The following ALDH3A2 variants were observed in gnomAD, a reference collection of about 807,000 sequenced individuals.
ALDH3A2 encodes aldehyde dehydrogenase 3 family member A2, also known as aldehyde dehydrogenase family 3 member A2.
A neutral mutation model predicts 51.3 loss-of-function variants in ALDH3A2; 36 were observed. The observed-to-expected ratio is 0.70, with a 90% confidence interval of 0.54 to 0.93. The LOEUF (loss-of-function observed/expected upper bound fraction) is 0.93. Ranked by LOEUF, ALDH3A2 falls within the 40% of genes least tolerant of loss-of-function variation. The pLI is 0.00. For missense variants in ALDH3A2, 552 were observed against 603.1 expected (o/e 0.92, Z 0.89); for synonymous variants, 199 against 219.8 (o/e 0.91, Z 0.84).
At position 19,665,056 on chromosome 17, in the gene ALDH3A2, T is replaced by G. The variant is rs144781535; in HGVS notation, c.1207+9T>G. On this transcript the variant is annotated intron_variant, in intron 8 of 9. Coordinates refer to ENST00000176643, the MANE Select transcript of ALDH3A2 (RefSeq NM_000382.3). Reference sequence around the variant, plus strand: ...CCCATTTGGAGGAGTGGGTGAGTCTTATTTTCTCCTGCTTGTAGTAGATAT... The same window carrying G: ...CCCATTTGGAGGAGTGGGTGAGTCTGATTTTCTCCTGCTTGTAGTAGATAT... The G allele has an allele frequency of 1.1e-5, 17 of 1,604,946 alleles. No homozygotes were observed. Among genetic ancestry groups the G allele is most frequent in the Non-Finnish European group, 1.5e-5 (17 of 1,171,722 alleles).
chr17:19,673,985 G>A (rs1039877068), intron 9 of ALDH3A2: 1 of 152,300 alleles, frequency 6.6e-6, no homozygotes, highest in African/African-American at 2.4e-5. Flanking sequence ...GGTGCCAGCT[G>A]ACTAATTCAG....
At chr17:19,669,626 CCTTTT>C (rs1266176250) in intron 8 of ALDH3A2, among the ~76,000 whole-genome samples, 3 of 151,942 alleles carry the variant, frequency 2.0e-5, no homozygotes, top group African/African-American at 2.4e-5. Context: ...TGAATCCACG[CCTTTT>C]CTTTTCTTTT....
intron 4 of ALDH3A2, 67 bp downstream of exon 4, chr17:19,656,641 C>T: frequency 7.0e-7 from 1 of 1,422,510 alleles, no homozygotes; most frequent in African/African-American, 1.4e-5. Context: ...GACAATGTTA[C>T]TCTTTGTACT....
At position 19,648,822 on chromosome 17, in the gene ALDH3A2, C is replaced by G. The variant is rs1227927535; in HGVS notation, c.-150C>G. 5 of 1,110,096 alleles carry G rather than the reference C, an allele frequency of 4.5e-6. No homozygotes were observed. Among genetic ancestry groups the G allele is most frequent in the Non-Finnish European group, 6.4e-6 (5 of 779,062 alleles). 68.8% of individuals were successfully genotyped at this position (1,110,096 alleles called of 1,614,324 possible). Reference sequence around the variant, plus strand: ...GGAGGTCGCGGCTGAGCGAGCGAGCCCTGGGCGAGTGAATTGTGGCTGTGG... The same window carrying G: ...GGAGGTCGCGGCTGAGCGAGCGAGCGCTGGGCGAGTGAATTGTGGCTGTGG... On this transcript the variant is annotated 5_prime_UTR_variant, in exon 1 of 10. Transcript: ENST00000176643.
At chr17:19,659,255 G>A (rs891216327) in intron 5 of ALDH3A2, among the ~76,000 whole-genome samples, 3 of 151,892 alleles carry the variant, frequency 2.0e-5, no homozygotes, top group Admixed American at 1.3e-4. Flanking sequence ...TATGAAAATT[G>A]TCGCCGTTGT....
chr17:19,651,916 T>C, intron 2 of ALDH3A2, 138 bp downstream of exon 2: 1 of 795,386 alleles, frequency 1.3e-6, no homozygotes, highest in Non-Finnish European at 2.1e-6. Context: ...GTACTGAGAA[T>C]TCATACATAC....
intron 6 of ALDH3A2, 107 bp from the exon 7 acceptor site, chr17:19,663,226 G>A: frequency 1.5e-6 from 2 of 1,296,974 alleles, no homozygotes; most frequent in Non-Finnish European, 2.2e-6. Flanking sequence ...TATGACTTGG[G>A]TGGGAGAGGG....
In ALDH3A2 at chr17:19,654,284, C is replaced by T. The variant is rs1303603072; in HGVS notation, c.471+1652C>T. ...TCCCACGCCGGGGCTGTGGGTGGAG[C>T]TGCCCATCAGTCCAGCGCTGCGCGC... is the stretch of plus-strand genomic sequence containing the variant. On this transcript the variant is annotated intron_variant, in intron 3 of 9. Coordinates refer to ENST00000176643, the MANE Select transcript of ALDH3A2 (RefSeq NM_000382.3). The surrounding 1 kb of genome is among the most constrained non-coding windows in gnomAD (Gnocchi z 4.5). Among the ~76,000 whole-genome samples the T allele has an allele frequency of 6.6e-6, 1 of 152,276 alleles. No homozygotes were observed. The highest frequency in any genetic ancestry group is 1.5e-5 in the Non-Finnish European group (1 of 68,054).
intron 5 of ALDH3A2, chr17:19,659,824 ACAGAGTGAGACCCTGT>A (rs2084944082): frequency 6.6e-6 from 1 of 151,998 alleles, no homozygotes; most frequent in South Asian, 2.1e-4. Flanking sequence ...AGCCTGGGTG[ACAGAGTGAGACCCTGT>A]CTCAAAAAAA....
chr17:19,657,945 G>C (rs2084919269), intron 5 of ALDH3A2, 83 bp downstream of exon 5: 3 of 1,129,146 alleles, frequency 2.7e-6, no homozygotes, highest in Non-Finnish European at 3.9e-6. Context: ...ATCCCCATTT[G>C]TTTCTCCCTT....
In ALDH3A2 at chr17:19,654,654, CT is replaced by C. The variant is rs2084869918; in HGVS notation, c.472-1710del. 6.6e-6 allele frequency among the ~76,000 whole-genome samples: 1 copy of C among 152,104 alleles called. No homozygotes were observed. Among genetic ancestry groups the C allele is most frequent in the Non-Finnish European group, 1.5e-5 (1 of 68,002 alleles). On this transcript the variant is annotated intron_variant, in intron 3 of 9. Coordinates refer to ENST00000176643, the MANE Select transcript of ALDH3A2 (RefSeq NM_000382.3). This position sits in a 1 kb window ranked among gnomAD's most constrained non-coding sequence, Gnocchi z 4.5. ...TGCGCCCACCCAGAACTCGCTCTGG[CT>C]TGTGAGCGCCACGCGCAGCCCCGGT...
chr17:19,671,388 T>C (rs2085110576), intron 8 of ALDH3A2, among the ~76,000 whole-genome samples: 1 of 152,234 alleles, frequency 6.6e-6, no homozygotes, highest in African/African-American at 2.4e-5. Context: ...GAAATGAGGC[T>C]GCTGATAATT....
chr17:19,672,664 G>A (rs1413208413), intron 9 of ALDH3A2, among the ~76,000 whole-genome samples: 2 of 152,174 alleles, frequency 1.3e-5, no homozygotes, highest in African/African-American at 4.8e-5. Flanking sequence ...TTCAACTGAG[G>A]ATATAACATT....
At chr17:19,664,599 A>G (rs971609860) in intron 7 of ALDH3A2, among the ~76,000 whole-genome samples, 2 of 152,246 alleles carry the variant, frequency 1.3e-5, no homozygotes, top group Non-Finnish European at 2.9e-5. Context: ...CAGTTTTTAA[A>G]GCTGGAATAT....
chr17:19,648,809 TGAGC>T lies in ALDH3A2; in HGVS notation c.-154_-151del. 1 of 994,004 alleles carries T rather than the reference TGAGC, an allele frequency of 1.0e-6. No individual in the cohort carries two copies. Among genetic ancestry groups the T allele is most frequent in the Non-Finnish European group, 1.5e-6 (1 of 681,366 alleles). The allele number at this position is 994,004 out of a possible 1,614,324, so 61.6% of individuals were successfully genotyped here. ...ACTCAGCGGGCGTGGAGGTCGCGGC[TGAGC>T]GAGCGAGCCCTGGGCGAGTGAATTG... On this transcript the variant is annotated 5_prime_UTR_variant, in exon 1 of 10. Transcript: ENST00000176643.
chr17:19,675,926 C>T lies in ALDH3A2; in HGVS notation c.*354C>T. The T allele has an allele frequency of 2.9e-6, 1 of 341,918 alleles. No individual in the cohort carries two copies. The highest frequency in any genetic ancestry group is 5.5e-6 in the Non-Finnish European group (1 of 180,292). The allele number at this position is 341,918 out of a possible 1,614,324, so 21.2% of individuals were successfully genotyped here. A position where few individuals can be genotyped will look rare whatever the true frequency, so the allele number is the denominator to read the frequency against. On this transcript the variant is annotated 3_prime_UTR_variant, in exon 10 of 10. Transcript: ENST00000176643. ...CTCCAGTTAATGGCACTGCTCACTT[C>T]CTGCCTCTGCTGCCACCATCACTGT...
At position 19,671,778 on chromosome 17, in the gene ALDH3A2, A is replaced by G; in HGVS notation, c.1265A>G (p.Gln422Arg). 1 of 1,614,190 alleles carries G rather than the reference A, an allele frequency of 6.2e-7. No individual in the cohort carries two copies. Among genetic ancestry groups the G allele is most frequent in the Non-Finnish European group, 8.5e-7 (1 of 1,180,028 alleles). Residue 422 changes from glutamine (Q) to arginine (R), a missense_variant, in exon 9 of 10, where the codon CAG becomes CGG. Coordinates refer to ENST00000176643, the MANE Select transcript of ALDH3A2 (RefSeq NM_000382.3). ...CATAGTTTTGATACTTTTTCTCATCAGCGTCCCTGTTTATTAAAAAGTTTA... is the reference window on the plus strand; with the variant it reads ...CATAGTTTTGATACTTTTTCTCATCGGCGTCCCTGTTTATTAAAAAGTTTA... ...GKHSFDTFSH[Q>R]RPCLLKSLKR... is the part of the protein sequence containing the mutation.
At position 19,649,041 on chromosome 17, in the gene ALDH3A2, C is replaced by A; in HGVS notation, c.70C>A (p.Leu24Met). Residue 24 changes from leucine to methionine, a missense_variant, in exon 1 of 10, where the codon CTG becomes ATG. Leu to Met is a conservative substitution (Grantham distance 15, BLOSUM62 2). Transcript: ENST00000176643. ...CCGGTCGCGACCTCTGCGGTTTCGG[C>A]TGCAGCAGCTGGAGGCCCTGCGGAG... ...SGRSRPLRFR[L>M]QQLEALRRMV... 6.3e-7 allele frequency: 1 copy of A among 1,583,452 alleles called. No homozygotes were observed. The highest frequency in any genetic ancestry group is 8.6e-7 in the Non-Finnish European group (1 of 1,165,216).
At chr17:19,673,456 G>A (rs543800473) in intron 9 of ALDH3A2, among the ~76,000 whole-genome samples, 8 of 151,590 alleles carry the variant, frequency 5.3e-5, no homozygotes, top group Non-Finnish European at 8.8e-5. Flanking sequence ...AGTGGCTCAC[G>A]CCTGTAATCC....
Sources: allele counts gnomAD v4.1 joint callset (sites outside exome capture counted in the v4.1 genomes callset), GRCh38; gene constraint gnomAD v4.1.1; non-coding constraint Gnocchi (gnomAD v3.1); transcripts MANE v1.5; gene names NCBI Gene and HGNC (gene_info 2026-07-23, HGNC 2026-07-21).